NCKAP5: variants seen among roughly 807,000 people sequenced by gnomAD.
NCKAP5 encodes nck-associated protein 5.
In NCKAP5, 92 loss-of-function variants were observed where a neutral mutation model predicts 167.0. The observed-to-expected ratio is 0.55, with a 90% CI of 0.47 to 0.66. NCKAP5 has a LOEUF of 0.66. Ranked by LOEUF, NCKAP5 falls within the 30% of genes least tolerant of loss-of-function variation. The probability of loss-of-function intolerance (pLI) is 0.00; values close to 1 mark genes in which losing one functional copy is unlikely to be tolerated. For missense variants in NCKAP5, 2,378 were observed against 2,315.0 expected, an observed-to-expected ratio of 1.03 and a Z score of -0.56; for synonymous variants, 891 against 877.4, an observed-to-expected ratio of 1.02 and a Z score of -0.27.
chr2:133,386,382 T>C (rs949867390), intron 3 of NCKAP5, among the ~76,000 whole-genome samples: 5 of 152,208 alleles, frequency 3.3e-5, no homozygotes, highest in Non-Finnish European at 2.9e-5. Context: ...TAATCCTGAG[T>C]TCTAGTTTGA....
chr2:132,728,640 C>T (rs1404222929), intron 18 of NCKAP5, among the ~76,000 whole-genome samples, 176 bp downstream of exon 18: 2 of 152,158 alleles, frequency 1.3e-5, no homozygotes, highest in Non-Finnish European at 2.9e-5. Context: ...CAAGAACCCA[C>T]AGTATTCCTT....
chr2:133,671,769 A>G, the NCKAP5 span, among the ~76,000 whole-genome samples: 1 of 151,788 alleles, frequency 6.6e-6, no homozygotes, highest in African/African-American at 2.4e-5. Context: ...AACAAAATGG[A>G]CTGAGACTAT....
chr2:133,547,713 C>G (rs901418792), intron 2 of NCKAP5, among the ~76,000 whole-genome samples: 2 of 148,870 alleles, frequency 1.3e-5, no homozygotes, highest in South Asian at 2.2e-4. Flanking sequence ...ACATCCACAT[C>G]GAAAACCCAT....
chr2:133,522,607 T>C (rs985076466), intron 2 of NCKAP5, among the ~76,000 whole-genome samples: 1 of 152,172 alleles, frequency 6.6e-6, no homozygotes, highest in Admixed American at 6.5e-5. Flanking sequence ...GTTGCTTGCA[T>C]AAATAAATGA....
At chr2:132,753,444 CA>C (rs958955589) in intron 16 of NCKAP5, among the ~76,000 whole-genome samples, 3 of 152,116 alleles carry the variant, frequency 2.0e-5, no homozygotes, top group South Asian at 2.1e-4. Context: ...GGTCTGAGAA[CA>C]ATTCTAAATC....
chr2:133,293,104 T>C (rs1433294280), intron 4 of NCKAP5, among the ~76,000 whole-genome samples: 2 of 152,194 alleles, frequency 1.3e-5, no homozygotes, highest in Non-Finnish European at 2.9e-5. Context: ...ATGTGTTTTA[T>C]AGAACCCCCT....
chr2:132,753,317 A>G (rs899730424), intron 16 of NCKAP5, among the ~76,000 whole-genome samples: 1 of 152,206 alleles, frequency 6.6e-6, no homozygotes, highest in African/African-American at 2.4e-5. Context: ...CCACCTTGCT[A>G]CTAATCCCCC....
chr2:133,066,166 T>C (rs570743969), intron 6 of NCKAP5, among the ~76,000 whole-genome samples: 7 of 152,226 alleles, frequency 4.6e-5, no homozygotes, highest in African/African-American at 1.7e-4. Flanking sequence ...ACAAGGGAAA[T>C]CTGGAGGTTT....
the NCKAP5 span, among the ~76,000 whole-genome samples, chr2:133,603,482 C>T: frequency 1.3e-5 from 2 of 152,170 alleles, no homozygotes; most frequent in South Asian, 2.1e-4. Flanking sequence ...ATCTCAGTCT[C>T]GCAAAGTGCT....
intron 11 of NCKAP5, among the ~76,000 whole-genome samples, chr2:132,844,505 G>T (rs72991377): frequency 1.5e-4 from 23 of 151,890 alleles, no homozygotes; most frequent in African/African-American, 5.5e-4. Context: ...TCATTGTTTT[G>T]CTTTTCTGTG....
At chr2:133,597,865 C>G in the NCKAP5 span, among the ~76,000 whole-genome samples, 1 of 152,040 alleles carries the variant, frequency 6.6e-6, no homozygotes, top group African/African-American at 2.4e-5. Context: ...TCCTCCCAGC[C>G]TGTGCCCACT....
intron 11 of NCKAP5, among the ~76,000 whole-genome samples, chr2:132,825,384 C>A (rs1040575880): frequency 6.6e-6 from 1 of 152,148 alleles, no homozygotes; most frequent in African/African-American, 2.4e-5. Flanking sequence ...CACATCTCCA[C>A]CCCTAAGAGG....
At chr2:132,770,761 G>T (rs1681973339) in intron 16 of NCKAP5, among the ~76,000 whole-genome samples, 1 of 152,150 alleles carries the variant, frequency 6.6e-6, no homozygotes, top group Non-Finnish European at 1.5e-5. Context: ...AGAACATACA[G>T]TCATGTACAA....
At chr2:132,720,193 C>T (rs1464219156) in intron 19 of NCKAP5, among the ~76,000 whole-genome samples, 3 of 152,122 alleles carry the variant, frequency 2.0e-5, no homozygotes, top group Non-Finnish European at 4.4e-5. Flanking sequence ...TGGAAAAGGG[C>T]AGGAATGTTT....
At chr2:132,950,043 G>A (rs1347101529) in intron 8 of NCKAP5, among the ~76,000 whole-genome samples, 5 of 152,130 alleles carry the variant, frequency 3.3e-5, no homozygotes, top group African/African-American at 1.2e-4. Context: ...GCAGTGAGCC[G>A]AGATCATGCC....
At chr2:132,996,960 G>A (rs1305343726) in intron 6 of NCKAP5, among the ~76,000 whole-genome samples, 1 of 152,136 alleles carries the variant, frequency 6.6e-6, no homozygotes, top group Admixed American at 6.5e-5. Context: ...TCTTTTCCAG[G>A]CCCATCTTGA....
intron 8 of NCKAP5, among the ~76,000 whole-genome samples, chr2:132,913,303 G>A (rs1694599012): frequency 6.6e-6 from 1 of 152,032 alleles, no homozygotes; most frequent in Non-Finnish European, 1.5e-5. Context: ...ACACAGATCT[G>A]ACTATCTTTA....
At chr2:132,998,358 A>G (rs1573684286) in intron 6 of NCKAP5, among the ~76,000 whole-genome samples, 2 of 152,308 alleles carry the variant, frequency 1.3e-5, no homozygotes, top group East Asian at 3.9e-4. Flanking sequence ...GAAATTGTTA[A>G]AACAATCTTG....
At chr2:133,211,989 G>T (rs1355846754) in intron 5 of NCKAP5, among the ~76,000 whole-genome samples, 1 of 152,154 alleles carries the variant, frequency 6.6e-6, no homozygotes, top group Non-Finnish European at 1.5e-5. Context: ...TTCTTTCAAG[G>T]CCTGTTCTTC....
Sources: allele counts gnomAD v4.1 joint callset (sites outside exome capture counted in the v4.1 genomes callset), GRCh38; gene constraint gnomAD v4.1.1; transcripts MANE v1.5; gene names NCBI Gene and HGNC (gene_info 2026-07-23, HGNC 2026-07-21).